MIER2: variants seen among roughly 807,000 people sequenced by gnomAD.
MIER2 encodes the protein mesoderm induction early response protein 2.
A neutral mutation model predicts 67.6 loss-of-function variants in MIER2; 30 were observed. That is an observed-to-expected ratio of 0.44 (90% CI 0.33 to 0.60). The LOEUF (loss-of-function observed/expected upper bound fraction) is 0.60, where lower values mean the gene tolerates loss of function less well. Ranked by LOEUF, MIER2 falls within the 20% of genes least tolerant of loss-of-function variation. The pLI is 0.02. For synonymous variants in MIER2, 372 were observed against 312.6 expected (o/e 1.19, Z -2.00); for missense variants, 702 against 745.1 (o/e 0.94, Z 0.67).
chr19:318,984 G>A (rs549048219), intron 7 of MIER2, among the ~76,000 whole-genome samples: 2 of 150,680 alleles, frequency 1.3e-5, no homozygotes, highest in East Asian at 3.9e-4. Context: ...GTGAACCCAG[G>A]AGGCGGAGCT....
chr19:324,032 G>T (rs1318039416), intron 7 of MIER2, among the ~76,000 whole-genome samples: 391 of 93,822 alleles, frequency 4.2e-3, no homozygotes, highest in Middle Eastern at 0.021. Context: ...ACGACTCGAA[G>T]GACACAGGCG....
chr19:318,737 T>C (rs1971367886), intron 7 of MIER2, among the ~76,000 whole-genome samples: 1 of 152,206 alleles, frequency 6.6e-6, no homozygotes, highest in Admixed American at 6.5e-5. Flanking sequence ...GTATGTTTTC[T>C]GACCACAGTG....
At chr19:327,742 C>CATTCTACTT (rs1404191300) in intron 4 of MIER2, 122 bp downstream of exon 4, 3 of 1,459,844 alleles carry the variant, frequency 2.1e-6, no homozygotes, top group Middle Eastern at 2.4e-4. Flanking sequence ...GTCACAGGTA[C>CATTCTACTT]ATTCTACTTA....
chr19:313,685 T>A, intron 7 of MIER2, 42 bp from the exon 8 acceptor site: 1 of 1,593,730 alleles, frequency 6.3e-7, no homozygotes. Flanking sequence ...AGGAACCCAA[T>A]CTGCACCCAC....
chr19:312,056 A>C (rs1320148644), intron 9 of MIER2, 117 bp from the exon 10 acceptor site: 15 of 1,258,714 alleles, frequency 1.2e-5, no homozygotes, highest in Middle Eastern at 1.9e-4. Context: ...CAGCGGAAGG[A>C]AGGCCCAGGC....
At chr19:321,925 G>C (rs1266630455) in intron 7 of MIER2, among the ~76,000 whole-genome samples, 1 of 151,842 alleles carries the variant, frequency 6.6e-6, no homozygotes, top group African/African-American at 2.4e-5. Context: ...TTATTTTTGA[G>C]ACAGAGTCTC....
At position 324,419 on chromosome 19, in the gene MIER2, A is replaced by G. The variant is rs554089691; in HGVS notation, c.655+1216T>C. Among the ~76,000 whole-genome samples, 169 of 137,636 alleles carry G rather than the reference A, an allele frequency of 1.2e-3. 9 individuals carry two copies. The highest frequency in any genetic ancestry group is 2.0e-3 in the Non-Finnish European group (132 of 65,040). 90.3% of individuals were successfully genotyped at this position (137,636 alleles called of 152,430 possible). A position where few individuals can be genotyped will look rare whatever the true frequency, so the allele number is the denominator to read the frequency against. ...CACAGGCGTCATCACAATGCAATAA[A>G]GACACACACAACCACGCAGACGACT... On this transcript the variant is annotated intron_variant, in intron 7 of 13. Coordinates refer to ENST00000264819, the MANE Select transcript of MIER2 (RefSeq NM_017550.3).
intron 3 of MIER2, among the ~76,000 whole-genome samples, chr19:328,923 C>T (rs1600157353): frequency 6.6e-6 from 1 of 152,156 alleles, no homozygotes; most frequent in Non-Finnish European, 1.5e-5. Context: ...TGTAATATGA[C>T]AAGAAGTATA....
Position 336,139 on chromosome 19 carries a change from ACCACGCGAGGACTCTGCCTC to A in MIER2, c.24_43del (p.Arg9LeufsTer42), listed in dbSNP as rs1255663169. The A allele has an allele frequency of 5.5e-5, 88 of 1,613,586 alleles. No individual in the cohort carries two copies. The highest frequency in any genetic ancestry group is 7.4e-5 in the Non-Finnish European group (87 of 1,179,812). On this transcript the variant is annotated frameshift_variant, in exon 2 of 14. Coordinates refer to ENST00000264819, the MANE Select transcript of MIER2 (RefSeq NM_017550.3). LOFTEE classifies it high-confidence loss of function. The stretch of plus-strand genomic sequence containing the variant: ...GCACAGGCTGTGCTCGAGGCAGGAG[ACCACGCGAGGACTCTGCCTC>A]CCCAGCGAGGAGGCCTGCGAAGGAA...
intron 7 of MIER2, among the ~76,000 whole-genome samples, chr19:322,591 C>A (rs1600141485): frequency 1.3e-5 from 2 of 152,192 alleles, no homozygotes; most frequent in Non-Finnish European, 2.9e-5. Flanking sequence ...AAGGTGCTCA[C>A]CAGGGAAATG....
chr19:326,399 G>A (rs879107327), intron 6 of MIER2, 108 bp downstream of exon 6: 40 of 963,122 alleles, frequency 4.2e-5, no homozygotes, highest in South Asian at 1.1e-4. Context: ...AGCCACGGCC[G>A]GGATGCCAGG....
At position 336,329 on chromosome 19, in the gene MIER2, G is replaced by A. The variant is rs1972257906; in HGVS notation, c.10-156C>T. 1.6e-5 allele frequency: 10 copies of A among 637,014 alleles called. 1 individual carries two copies. The East Asian group carries it at 2.8e-4, about 18-fold the overall frequency. The allele number at this position is 637,014 out of a possible 1,614,324, so 39.5% of individuals were successfully genotyped here. On this transcript the variant is annotated intron_variant, in intron 1 of 13. Transcript: ENST00000264819. ...GCCTCTGAGGGCTGGGGGGCACTAGGAGCAGCACACGCATGTGGCCGCCAC... is the reference window on the plus strand; with the variant it reads ...GCCTCTGAGGGCTGGGGGGCACTAGAAGCAGCACACGCATGTGGCCGCCAC...
intron 3 of MIER2, 37 bp downstream of exon 3, chr19:334,363 C>T: frequency 6.2e-7 from 1 of 1,612,554 alleles, no homozygotes; most frequent in Non-Finnish European, 8.5e-7. Flanking sequence ...CGGAGGGCTC[C>T]ACCCAACACA....
chr19:310,283 A>G (rs72984413), intron 10 of MIER2, among the ~76,000 whole-genome samples: 19,830 of 152,254 alleles, frequency 0.13, 1,700 homozygotes, highest in African/African-American at 0.23. Context: ...AGGATGCCCC[A>G]TGCTCACCGC....
Position 321,688 on chromosome 19 carries a change from T to C in MIER2, c.655+3947A>G, listed in dbSNP as rs750946097. Among the ~76,000 whole-genome samples the C allele has an allele frequency of 2.6e-5, 4 of 151,984 alleles. No homozygotes were observed. In the South Asian group the frequency reaches 6.3e-4, roughly 24 times the overall value. ...TTGTCAGTTGCTGAAAAAAATAAGT[T>C]TTAATCTTAAAACTTACATAGATAT... On this transcript the variant is annotated intron_variant, in intron 7 of 13. Transcript: ENST00000264819.
chr19:320,398 T>C (rs999061160), intron 7 of MIER2, among the ~76,000 whole-genome samples: 1 of 151,324 alleles, frequency 6.6e-6, no homozygotes, highest in Non-Finnish European at 1.5e-5. Flanking sequence ...AATAGATAGA[T>C]AGATAAATAA....
chr19:312,320 G>A lies in MIER2; in HGVS notation c.808-48C>T, dbSNP rs191960753. ...CTTCCATGGGCTCAGCGCAGGAGCC[G>A]ACAGCAAGAACTGTCTATACCATCC... On this transcript the variant is annotated intron_variant, in intron 8 of 13. Transcript: ENST00000264819. 583 of 1,572,614 alleles carry A rather than the reference G, an allele frequency of 3.7e-4. 2 individuals are homozygous for A. The highest frequency in any genetic ancestry group is 4.6e-4 in the African/African-American group (34 of 74,162).
intron 3 of MIER2, among the ~76,000 whole-genome samples, chr19:331,360 G>GAAAAAAAAAAAAAAAAAAA (rs917485905): frequency 3.4e-5 from 4 of 117,964 alleles, no homozygotes; most frequent in African/African-American, 6.4e-5. Flanking sequence ...TCTGTCCCCA[G>GAAAAAAAAAAAAAAAAAAA]AAAAAAAAAA....
chr19:329,224 C>A (rs889198935), intron 3 of MIER2, among the ~76,000 whole-genome samples: 3 of 151,868 alleles, frequency 2.0e-5, no homozygotes, highest in Non-Finnish European at 4.4e-5. Context: ...CCAGCCTAGT[C>A]CCAGCCCTTC....
Sources: gnomAD v4.1 joint callset for allele counts (sites outside exome capture counted in the v4.1 genomes callset) on GRCh38, gnomAD v4.1.1 for gene constraint, MANE v1.5 for transcripts, NCBI Gene and HGNC (gene_info 2026-07-23, HGNC 2026-07-21) for gene names.